Variants in ANKRD46 observed in about 807,000 individuals in gnomAD.
ANKRD46 encodes ankyrin repeat domain-containing protein 46.
Under a neutral mutation model 19.8 loss-of-function variants are expected in ANKRD46, and 13 were observed. That is an observed-to-expected ratio of 0.66 (90% CI 0.43 to 1.04). The LOEUF (loss-of-function observed/expected upper bound fraction) is 1.04. Ranked by LOEUF, ANKRD46 falls within the 50% of genes least tolerant of loss-of-function variation. The pLI, the probability that ANKRD46 is intolerant of heterozygous loss-of-function variation, is 0.00. For missense variants in ANKRD46, 185 were observed against 274.8 expected (o/e 0.67, Z 2.31); for synonymous variants, 91 against 106.9 (o/e 0.85, Z 0.92).
In ANKRD46 at chr8:100,543,853, T is replaced by C. The variant is rs1425750837; in HGVS notation, c.-130-10542A>G. Among the ~76,000 whole-genome samples the C allele has an allele frequency of 6.6e-6, 1 of 152,204 alleles. No homozygotes were observed. Among genetic ancestry groups the C allele is most frequent in the Admixed American group, 6.5e-5 (1 of 15,282 alleles). ...TCAAAATAAATCTATTCCAAATACA[T>C]CTAAATATTTTTATTCAAATAGTGT... On this transcript the variant is annotated intron_variant, in intron 1 of 4. Coordinates refer to ENST00000335659, the MANE Select transcript of ANKRD46 (RefSeq NM_001270377.2). The surrounding 1 kb of genome is among the most constrained non-coding windows in gnomAD (Gnocchi z 4.2).
At position 100,543,583 on chromosome 8, in the gene ANKRD46, T is replaced by C. The variant is rs1199319448; in HGVS notation, c.-130-10272A>G. On this transcript the variant is annotated intron_variant, in intron 1 of 4. Coordinates refer to ENST00000335659, the MANE Select transcript of ANKRD46 (RefSeq NM_001270377.2). The surrounding 1 kb of genome is among the most constrained non-coding windows in gnomAD (Gnocchi z 4.2). Reference sequence around the variant, plus strand: ...TATTCTTTAAAATGCTGTCAGAAGATAATGGCTTCACAGTCTTCAAACAAT... The same window carrying C: ...TATTCTTTAAAATGCTGTCAGAAGACAATGGCTTCACAGTCTTCAAACAAT... Among the ~76,000 whole-genome samples, 1 of 152,212 alleles carries C rather than the reference T, an allele frequency of 6.6e-6. No individual in the cohort carries two copies. Among genetic ancestry groups the C allele is most frequent in the Non-Finnish European group, 1.5e-5 (1 of 68,030 alleles).
At position 100,527,321 on chromosome 8, in the gene ANKRD46, T is replaced by G. The variant is rs914069837; in HGVS notation, c.470+524A>C. 5.3e-5 allele frequency among the ~76,000 whole-genome samples: 8 copies of G among 152,256 alleles called. No homozygotes were observed. The highest frequency in any genetic ancestry group is 1.2e-4 in the Non-Finnish European group (8 of 68,048). ...ATCTTGCTTTCCCTCTCTTGTTTTC[T>G]TGTTTCTCAGCATTCCACTTCCCTA... On this transcript the variant is annotated intron_variant, in intron 4 of 4. Transcript: ENST00000335659. The surrounding 1 kb of genome is among the most constrained non-coding windows in gnomAD (Gnocchi z 4.0).
At position 100,524,192 on chromosome 8, in the gene ANKRD46, T is replaced by C. The variant is rs149339850; in HGVS notation, c.471-1421A>G. ...TAAGGGAAGAGCACTCATGGTTATA[T>C]CACAACATACAGGCCCAATAAGAGG... On this transcript the variant is annotated intron_variant, in intron 4 of 4. Coordinates refer to ENST00000335659, the MANE Select transcript of ANKRD46 (RefSeq NM_001270377.2). The surrounding 1 kb of genome is among the most constrained non-coding windows in gnomAD (Gnocchi z 4.3). Among the ~76,000 whole-genome samples the C allele has an allele frequency of 3.5e-3, 536 of 152,254 alleles. 11 individuals carry two copies. In the East Asian group the frequency reaches 0.041, roughly 12 times the overall value.
rs1270127290 is a variant in ANKRD46, at chr8:100,522,061, C to A, written c.*494G>T. On this transcript the variant is annotated 3_prime_UTR_variant, in exon 5 of 5. Coordinates refer to ENST00000335659, the MANE Select transcript of ANKRD46 (RefSeq NM_001270377.2). ...TAGATGCTAACAATACTAATTTGCA[C>A]ACAAGATTTGAAAAAAGTACTTCAA... The A allele has an allele frequency of 2.0e-6, 2 of 986,632 alleles. No homozygotes were observed. The highest frequency in any genetic ancestry group is 1.1e-4 in the East Asian group (1 of 8,830). The allele number at this position is 986,632 out of a possible 1,614,324, so 61.1% of individuals were successfully genotyped here.
intron 1 of ANKRD46, among the ~76,000 whole-genome samples, chr8:100,555,829 A>G (rs1812489094): frequency 6.6e-6 from 1 of 150,662 alleles, no homozygotes; most frequent in Non-Finnish European, 1.5e-5. Flanking sequence ...ATCAGTAGCT[A>G]TAACCCTAAA....
At chr8:100,539,590 C>A (rs1052034856) in intron 1 of ANKRD46, among the ~76,000 whole-genome samples, 6 of 152,218 alleles carry the variant, frequency 3.9e-5, no homozygotes, top group Non-Finnish European at 5.9e-5. Context: ...GTAGAAAACA[C>A]ACATTTTGTG....
intron 1 of ANKRD46, among the ~76,000 whole-genome samples, chr8:100,539,541 T>C (rs1812133291): frequency 6.6e-6 from 1 of 152,368 alleles, no homozygotes; most frequent in Admixed American, 6.5e-5. Flanking sequence ...CAGATGTAGC[T>C]CTACCACAGA....
At position 100,537,380 on chromosome 8, in the gene ANKRD46, C is replaced by T. The variant is rs1174596110; in HGVS notation, c.-130-4069G>A. On this transcript the variant is annotated intron_variant, in intron 1 of 4. Coordinates refer to ENST00000335659, the MANE Select transcript of ANKRD46 (RefSeq NM_001270377.2). The surrounding 1 kb of genome is among the most constrained non-coding windows in gnomAD (Gnocchi z 4.2). ...ATTTCAACAAAATGCAAGGAAAAAA[C>T]GACATAGCTGGAAAGATATTCTGTC... Among the ~76,000 whole-genome samples the T allele has an allele frequency of 2.6e-5, 4 of 152,132 alleles. No individual in the cohort carries two copies. The highest frequency in any genetic ancestry group is 4.4e-5 in the Non-Finnish European group (3 of 68,022).
Position 100,529,633 on chromosome 8 carries a change from G to A in ANKRD46, c.201C>T (p.Phe67=), listed in dbSNP as rs777512732. ...NVDICQLLHK[F]GADLLATDYQ... ...AATCTGTGGCCAGAAGATCGGCACC[G>A]AATTTATGCAGTAACTGGCAGATGT... is the stretch of plus-strand genomic sequence containing the variant. The change falls in exon 3 of 5, where the codon TTC becomes TTT. Residue 67 remains phenylalanine, a synonymous_variant. Transcript: ENST00000335659. The surrounding 1 kb of genome is among the most constrained non-coding windows in gnomAD (Gnocchi z 5.8). 7.3e-5 allele frequency: 118 copies of A among 1,614,212 alleles called. 1 individual carries two copies. The Middle Eastern group carries it at 3.5e-3, about 47-fold the overall frequency.
At chr8:100,523,114 G>A (rs1188577443) in intron 4 of ANKRD46, among the ~76,000 whole-genome samples, 1 of 151,842 alleles carries the variant, frequency 6.6e-6, no homozygotes, top group Non-Finnish European at 1.5e-5. Flanking sequence ...GATCACTTGA[G>A]CCCAGGAGTT....
chr8:100,538,395 G>A (rs1433916014), intron 1 of ANKRD46, among the ~76,000 whole-genome samples: 3 of 152,150 alleles, frequency 2.0e-5, no homozygotes, highest in Non-Finnish European at 4.4e-5. Context: ...AAACAACACA[G>A]TGTAACAACT....
In ANKRD46 at chr8:100,550,344, A is replaced by C. The variant is rs924242057; in HGVS notation, c.-131+9367T>G. Among the ~76,000 whole-genome samples the C allele has an allele frequency of 6.6e-6, 1 of 152,110 alleles. No homozygotes were observed. The highest frequency in any genetic ancestry group is 2.4e-5 in the African/African-American group (1 of 41,416). On this transcript the variant is annotated intron_variant, in intron 1 of 4. Transcript: ENST00000335659. The surrounding 1 kb of genome is among the most constrained non-coding windows in gnomAD (Gnocchi z 4.4). ...GCATTTGGTGTTGTCAGCGTTCTAG[A>C]TTTTAGTTAGCCATTTTAGTAAGTG...
rs1563490623 is a variant in ANKRD46 at position 100,546,523 on chromosome 8, T to C, written c.-131+13188A>G. 6.6e-6 allele frequency among the ~76,000 whole-genome samples: 1 copy of C among 152,212 alleles called. No individual in the cohort carries two copies. On this transcript the variant is annotated intron_variant, in intron 1 of 4. Coordinates refer to ENST00000335659, the MANE Select transcript of ANKRD46 (RefSeq NM_001270377.2). The surrounding 1 kb of genome is among the most constrained non-coding windows in gnomAD (Gnocchi z 4.0). ...CTCTGCCTAGATTTCAAAGGACATATGGAAATTCCTGGATGTCCAGACAGA... is the reference window on the plus strand; with the variant it reads ...CTCTGCCTAGATTTCAAAGGACATACGGAAATTCCTGGATGTCCAGACAGA...
chr8:100,533,106 A>G (rs1811998211), intron 2 of ANKRD46, 103 bp downstream of exon 2: 1 of 152,252 alleles, frequency 6.6e-6, no homozygotes, highest in African/African-American at 2.4e-5. Context: ...AATAAGCCCA[A>G]TGATAGTTAT....
In ANKRD46 at chr8:100,546,582, C is replaced by G. The variant is rs912398852; in HGVS notation, c.-131+13129G>C. On this transcript the variant is annotated intron_variant, in intron 1 of 4. Coordinates refer to ENST00000335659, the MANE Select transcript of ANKRD46 (RefSeq NM_001270377.2). This position sits in a 1 kb window ranked among gnomAD's most constrained non-coding sequence, Gnocchi z 4.0. Reference sequence around the variant, plus strand: ...ACAGGGGCAGAGCCCTTATGGAGAACCTCTGCTGGGGCAGTGTGGAAGGGA... The same window carrying G: ...ACAGGGGCAGAGCCCTTATGGAGAAGCTCTGCTGGGGCAGTGTGGAAGGGA... Among the ~76,000 whole-genome samples, 1 of 152,242 alleles carries G rather than the reference C, an allele frequency of 6.6e-6. No homozygotes were observed. The highest frequency in any genetic ancestry group is 2.4e-5 in the African/African-American group (1 of 41,458).
In ANKRD46 at chr8:100,532,058, G is replaced by A. The variant is rs1811972610; in HGVS notation, c.-28+1151C>T. Among the ~76,000 whole-genome samples the A allele has an allele frequency of 6.6e-6, 1 of 152,146 alleles. No individual in the cohort carries two copies. The highest frequency in any genetic ancestry group is 2.4e-5 in the African/African-American group (1 of 41,416). ...CTTAATGACTCACTGGATATGAAAT[G>A]AAGGGTGAAAAGGGGCTGTTAAGAA... On this transcript the variant is annotated intron_variant, in intron 2 of 4. Transcript: ENST00000335659. The surrounding 1 kb of genome is among the most constrained non-coding windows in gnomAD (Gnocchi z 4.7).
intron 1 of ANKRD46, among the ~76,000 whole-genome samples, chr8:100,549,496 T>G (rs918136516): frequency 9.2e-5 from 14 of 152,184 alleles, no homozygotes; most frequent in African/African-American, 3.1e-4. Context: ...AAAAGCATAA[T>G]TTTGCATAAA....
chr8:100,514,208 A>G (rs895489876), intron 5 of ANKRD46, among the ~76,000 whole-genome samples: 2 of 152,232 alleles, frequency 1.3e-5, no homozygotes, highest in Non-Finnish European at 2.9e-5. Flanking sequence ...ATAAAAACAC[A>G]AAAGCATTCT....
At chr8:100,513,652 T>C (rs10104673) in intron 5 of ANKRD46, among the ~76,000 whole-genome samples, 65,544 of 152,064 alleles carry the variant, frequency 0.43, 14,346 homozygotes, top group Non-Finnish European at 0.48. Flanking sequence ...TAAGGTGAAA[T>C]ATAGAACTGT....
Sources: gnomAD v4.1 joint callset for allele counts (sites outside exome capture counted in the v4.1 genomes callset) on GRCh38, gnomAD v4.1.1 for gene constraint, Gnocchi (gnomAD v3.1) non-coding constraint, MANE v1.5 for transcripts, NCBI Gene and HGNC (gene_info 2026-07-23, HGNC 2026-07-21) for gene names.